ANO3: variants seen among roughly 807,000 people sequenced by gnomAD.
ANO3 encodes the protein anoctamin 3, also known as anoctamin-3.
Under a neutral mutation model 144.8 loss-of-function variants are expected in ANO3, and 99 were observed. The ratio of observed to expected loss-of-function variants is 0.68; its 90% CI spans 0.58 to 0.81. The LOEUF (loss-of-function observed/expected upper bound fraction) is 0.81, where lower values mean the gene tolerates loss of function less well. Ranked by LOEUF, ANO3 falls within the 30% of genes least tolerant of loss-of-function variation. The pLI, the probability that ANO3 is intolerant of heterozygous loss-of-function variation, is 0.00. For synonymous variants in ANO3, 414 were observed against 392.6 expected (o/e 1.05, Z -0.64); for missense variants, 905 against 1,202.2 (o/e 0.75, Z 3.66).
In ANO3 at chr11:26,639,753, C is replaced by T. The variant is rs566883744; in HGVS notation, c.2141+512C>T. On this transcript the variant is annotated intron_variant, in intron 21 of 26. Coordinates refer to ENST00000256737, the MANE Select transcript of ANO3 (RefSeq NM_031418.4). ...GATTGTACTAACATCAAAACAATAG[C>T]ATTCTATTTTCATTATTTTAGATGT... 2.3e-3 allele frequency among the ~76,000 whole-genome samples: 352 copies of T among 152,174 alleles called. 3 individuals carry two copies. Among genetic ancestry groups the T allele is most frequent in the Non-Finnish European group, 3.4e-3 (228 of 67,990 alleles).
chr11:26,637,892 A>G (rs1246892176), intron 20 of ANO3, among the ~76,000 whole-genome samples: 1 of 152,188 alleles, frequency 6.6e-6, no homozygotes, highest in Non-Finnish European at 1.5e-5. Context: ...ACCCATTTCT[A>G]AAGAAACAGA....
chr11:26,612,989 T>C (rs1357233235), intron 17 of ANO3, among the ~76,000 whole-genome samples: 1 of 152,148 alleles, frequency 6.6e-6, no homozygotes, highest in Non-Finnish European at 1.5e-5. Flanking sequence ...TTGAGTTGAA[T>C]CTAATAGGGG....
intron 14 of ANO3, chr11:26,563,078 C>T (rs444178): frequency 1.3e-6 from 2 of 1,599,474 alleles, no homozygotes; most frequent in Non-Finnish European, 1.7e-6. Flanking sequence ...TTAATTAAAA[C>T]CACTGTGCCC....
intron 1 of ANO3, among the ~76,000 whole-genome samples, chr11:26,420,278 C>G (rs887635487): frequency 1.3e-5 from 2 of 151,950 alleles, no homozygotes; most frequent in Admixed American, 6.6e-5. Flanking sequence ...AAATTTTAGT[C>G]TCTGGTGGTA....
At chr11:26,650,051 A>ATATC (rs1422489313) in intron 24 of ANO3, among the ~76,000 whole-genome samples, 1 of 151,220 alleles carries the variant, frequency 6.6e-6, no homozygotes. Context: ...TCGTGTAGAT[A>ATATC]GCGCCCGACA....
chr11:26,463,102 AC>A lies in ANO3; in HGVS notation c.387del (p.Phe130LeufsTer18). 1 of 1,595,524 alleles carries A rather than the reference AC, an allele frequency of 6.3e-7. No homozygotes were observed. Among genetic ancestry groups the A allele is most frequent in the African/African-American group, 1.3e-5 (1 of 74,224 alleles). ...TATGACCGATCTCGTCTCATTAATGACTTTGTTATCAAAGATAAATCTGAAT... is the reference window on the plus strand; with the variant it reads ...TATGACCGATCTCGTCTCATTAATGATTTGTTATCAAAGATAAATCTGAAT... ...ATYDRSRLIN[D>X]FVIKDKSEFK... On this transcript the variant is annotated frameshift_variant, in exon 4 of 27. Coordinates refer to ENST00000256737, the MANE Select transcript of ANO3 (RefSeq NM_031418.4). LOFTEE classifies it high-confidence loss of function.
At chr11:26,378,241 T>A (rs771339317) in intron 1 of ANO3, among the ~76,000 whole-genome samples, 1 of 150,928 alleles carries the variant, frequency 6.6e-6, no homozygotes, top group Non-Finnish European at 1.5e-5. Flanking sequence ...AATTGATGTT[T>A]TAGGGCCTCA....
At chr11:26,437,920 A>G (rs1431941833) in intron 1 of ANO3, among the ~76,000 whole-genome samples, 1 of 152,210 alleles carries the variant, frequency 6.6e-6, no homozygotes, top group Non-Finnish European at 1.5e-5. Flanking sequence ...TTTGTTTTTG[A>G]TTTCTGGGAA....
At chr11:26,220,644 T>G (rs1367601222) in intron 1 of ANO3, among the ~76,000 whole-genome samples, 1 of 152,194 alleles carries the variant, frequency 6.6e-6, no homozygotes, top group Non-Finnish European at 1.5e-5. Context: ...TCTGCCATGG[T>G]CAGGGACAGG....
chr11:26,506,904 C>A (rs913334382), intron 4 of ANO3, among the ~76,000 whole-genome samples: 7 of 152,164 alleles, frequency 4.6e-5, no homozygotes, highest in African/African-American at 1.7e-4. Flanking sequence ...CAGTCAGAGT[C>A]CTCCAAAGCA....
intron 1 of ANO3, among the ~76,000 whole-genome samples, chr11:26,191,245 G>A (rs534639229): frequency 9.3e-5 from 14 of 151,134 alleles, no homozygotes; most frequent in Admixed American, 8.6e-4. Flanking sequence ...GCCATTGCAC[G>A]CCAGCCTGGG....
chr11:26,337,113 T>A (rs1855213377), intron 1 of ANO3, among the ~76,000 whole-genome samples: 1 of 151,992 alleles, frequency 6.6e-6, no homozygotes, highest in Non-Finnish European at 1.5e-5. Flanking sequence ...AATCCCCCAG[T>A]AAGAGTGAGC....
chr11:26,488,690 G>A (rs1860571006), intron 4 of ANO3, among the ~76,000 whole-genome samples: 1 of 151,902 alleles, frequency 6.6e-6, no homozygotes, highest in South Asian at 2.1e-4. Context: ...ACTGACTTCA[G>A]GAATGAAGCT....
intron 5 of ANO3, among the ~76,000 whole-genome samples, chr11:26,514,310 G>T (rs986205911): frequency 1.1e-4 from 16 of 152,050 alleles, no homozygotes; most frequent in Non-Finnish European, 2.1e-4. Context: ...AGCTTTGTAA[G>T]TCATCATCAT....
chr11:26,514,498 A>C (rs1350641953), intron 5 of ANO3, among the ~76,000 whole-genome samples: 1 of 152,106 alleles, frequency 6.6e-6, no homozygotes, highest in Non-Finnish European at 1.5e-5. Flanking sequence ...AGAGGGGTTA[A>C]ATAATTTTTC....
chr11:26,312,451 A>G (rs1301020456), intron 1 of ANO3, among the ~76,000 whole-genome samples: 2 of 152,222 alleles, frequency 1.3e-5, no homozygotes, highest in Admixed American at 6.5e-5. Flanking sequence ...ACTAGTTTAC[A>G]GTCCCACCAA....
At chr11:26,282,046 T>C (rs1853690090) in intron 1 of ANO3, among the ~76,000 whole-genome samples, 1 of 152,232 alleles carries the variant, frequency 6.6e-6, no homozygotes, top group Admixed American at 6.5e-5. Context: ...AGCAGGGACC[T>C]ATGAAGCAGT....
intron 1 of ANO3, among the ~76,000 whole-genome samples, chr11:26,371,268 G>A (rs1452688158): frequency 6.6e-6 from 1 of 152,262 alleles, no homozygotes; most frequent in African/African-American, 2.4e-5. Flanking sequence ...CTTGGCAGCT[G>A]CCACATGGGG....
intron 26 of ANO3, among the ~76,000 whole-genome samples, chr11:26,657,082 G>A (rs930162633): frequency 2.6e-5 from 4 of 152,068 alleles, no homozygotes; most frequent in African/African-American, 9.7e-5. Flanking sequence ...ATTTAGCACT[G>A]GGATATATTG....
Sources: allele counts gnomAD v4.1 joint callset (sites outside exome capture counted in the v4.1 genomes callset), GRCh38; gene constraint gnomAD v4.1.1; transcripts MANE v1.5; gene names NCBI Gene and HGNC (gene_info 2026-07-23, HGNC 2026-07-21).